RNLS: variants seen among roughly 807,000 people sequenced by gnomAD.
RNLS encodes renalase.
RNLS carries 39 observed loss-of-function variants against 39.8 expected under a neutral mutation model. The ratio of observed to expected loss-of-function variants is 0.98; its 90% CI spans 0.76 to 1.28. RNLS has a LOEUF of 1.28. Ranked by LOEUF, RNLS falls within the 50% of genes most tolerant of loss-of-function variation. The pLI is 0.00. For missense variants in RNLS, 410 were observed against 413.3 expected, an observed-to-expected ratio of 0.99 and a Z score of 0.07; for synonymous variants, 147 against 150.7, an observed-to-expected ratio of 0.98 and a Z score of 0.18.
At chr10:88,335,905 CTAATAG>C (rs1384467411) in intron 5 of RNLS, among the ~76,000 whole-genome samples, 4 of 152,098 alleles carry the variant, frequency 2.6e-5, no homozygotes, top group African/African-American at 9.7e-5. Context: ...TTTTACATTT[CTAATAG>C]TAACTACTTT....
the RNLS span, among the ~76,000 whole-genome samples, chr10:88,174,661 A>G: frequency 6.6e-6 from 1 of 152,128 alleles, no homozygotes; most frequent in African/African-American, 2.4e-5. Flanking sequence ...TTGGTTTGCT[A>G]GTATTTTGTT....
At chr10:88,479,793 CT>C (rs11293313) in intron 4 of RNLS, among the ~76,000 whole-genome samples, 66,378 of 139,158 alleles carry the variant, frequency 0.48, 15,741 homozygotes, top group Middle Eastern at 0.59. Flanking sequence ...TTCTTTTTTT[CT>C]TTTTTTTTTT....
At chr10:88,325,892 C>A (rs1278807944) in intron 5 of RNLS, among the ~76,000 whole-genome samples, 1 of 152,036 alleles carries the variant, frequency 6.6e-6, no homozygotes, top group Non-Finnish European at 1.5e-5. Context: ...TAGTGAGTGA[C>A]TTCTCATGAG....
At chr10:88,242,966 C>T in the RNLS span, among the ~76,000 whole-genome samples, 1 of 151,852 alleles carries the variant, frequency 6.6e-6, no homozygotes, top group Non-Finnish European at 1.5e-5. Flanking sequence ...AACAAACAAA[C>T]AAACAAACAA....
At chr10:88,188,100 A>G in the RNLS span, among the ~76,000 whole-genome samples, 5 of 152,062 alleles carry the variant, frequency 3.3e-5, no homozygotes, top group African/African-American at 4.8e-5. Context: ...CTCTGTCACC[A>G]GGCTGGACTG....
At chr10:88,342,049 C>T (rs914313760) in intron 5 of RNLS, among the ~76,000 whole-genome samples, 7 of 152,166 alleles carry the variant, frequency 4.6e-5, no homozygotes, top group African/African-American at 1.4e-4. Flanking sequence ...TTTACCATTA[C>T]TTTTAATACT....
At chr10:88,314,918 G>A (rs1279600299) in intron 5 of RNLS, among the ~76,000 whole-genome samples, 1 of 152,146 alleles carries the variant, frequency 6.6e-6, no homozygotes, top group Non-Finnish European at 1.5e-5. Context: ...AATATGAACT[G>A]CCTTGGATAT....
At chr10:88,419,776 G>A (rs1349957402) in intron 4 of RNLS, among the ~76,000 whole-genome samples, 2 of 152,068 alleles carry the variant, frequency 1.3e-5, no homozygotes, top group African/African-American at 4.8e-5. Context: ...AGGCCGAGGC[G>A]GGCGGATCAC....
In RNLS at chr10:88,322,490, A is replaced by C. The variant is rs541355693; in HGVS notation, c.701-7849T>G. ...GCTGTTCTCATGACAGTGAGTTCTC[A>C]CAAGATCTGATGGTATTTAAAGTGT... On this transcript the variant is annotated intron_variant, in intron 5 of 6. Transcript: ENST00000331772. Among the ~76,000 whole-genome samples, 94 of 152,274 alleles carry C rather than the reference A, an allele frequency of 6.2e-4. 1 individual carries two copies. Among genetic ancestry groups the C allele is most frequent in the African/African-American group, 2.1e-3 (86 of 41,550 alleles).
intron 4 of RNLS, among the ~76,000 whole-genome samples, chr10:88,552,709 G>C (rs1209284131): frequency 6.6e-6 from 1 of 151,974 alleles, no homozygotes; most frequent in Non-Finnish European, 1.5e-5. Context: ...CTATGATGAG[G>C]ATACATACAC....
At chr10:88,324,880 A>G (rs1846469645) in intron 5 of RNLS, among the ~76,000 whole-genome samples, 1 of 152,210 alleles carries the variant, frequency 6.6e-6, no homozygotes, top group South Asian at 2.1e-4. Context: ...GGCACCTCGT[A>G]TAAATGGAGT....
At chr10:88,271,133 C>T (rs531634560), downstream of RNLS, among the ~76,000 whole-genome samples, 2 of 152,294 alleles carry the variant, frequency 1.3e-5, no homozygotes, top group South Asian at 4.1e-4. Context: ...GGCATTTCTA[C>T]CACAGCTGCA....
rs187045118 is a variant in RNLS, at chr10:88,334,011, G to C, written c.701-19370C>G. ...CTGCTTAGAAACTACCCTGTCTAAG[G>C]TATTTTGTTATAGGAGCACAAACTA... is the stretch of plus-strand genomic sequence containing the variant. On this transcript the variant is annotated intron_variant, in intron 5 of 6. Transcript: ENST00000331772. 2.6e-5 allele frequency among the ~76,000 whole-genome samples: 4 copies of C among 152,246 alleles called. No homozygotes were observed. In the East Asian group the frequency reaches 7.7e-4, roughly 29 times the overall value.
chr10:88,542,429 T>A (rs1848096447), intron 4 of RNLS, among the ~76,000 whole-genome samples: 1 of 152,194 alleles, frequency 6.6e-6, no homozygotes, highest in Admixed American at 6.5e-5. Flanking sequence ...AACGTGTACA[T>A]CTTCTAGATG....
chr10:88,440,111 G>C (rs1402281615), intron 4 of RNLS, among the ~76,000 whole-genome samples: 1 of 152,158 alleles, frequency 6.6e-6, no homozygotes, highest in Non-Finnish European at 1.5e-5. Flanking sequence ...GGATTTATGT[G>C]ATAAATGTTT....
intron 4 of RNLS, among the ~76,000 whole-genome samples, chr10:88,507,481 G>A (rs2765442): frequency 0.46 from 69,449 of 151,848 alleles, 16,556 homozygotes; most frequent in East Asian, 0.54. Context: ...TTGTTCTTGA[G>A]CAACTGTACT....
At chr10:88,321,214 C>T (rs907885498) in intron 5 of RNLS, among the ~76,000 whole-genome samples, 1 of 151,860 alleles carries the variant, frequency 6.6e-6, no homozygotes, top group Non-Finnish European at 1.5e-5. Context: ...TTTGGGTAAA[C>T]AAAAGAATTA....
intron 5 of RNLS, among the ~76,000 whole-genome samples, chr10:88,330,650 GAATCC>G (rs1374977019): frequency 6.6e-6 from 1 of 152,012 alleles, no homozygotes; most frequent in African/African-American, 2.4e-5. Context: ...AAACAGTAGT[GAATCC>G]AATAAACTTG....
At chr10:88,225,650 G>T in the RNLS span, among the ~76,000 whole-genome samples, 1 of 152,038 alleles carries the variant, frequency 6.6e-6, no homozygotes, top group East Asian at 1.9e-4. Flanking sequence ...GGAGTTCAAG[G>T]GTGCAGTGAG....
Sources: gnomAD v4.1 joint callset for allele counts (sites outside exome capture counted in the v4.1 genomes callset) on GRCh38, gnomAD v4.1.1 for gene constraint, MANE v1.5 for transcripts, NCBI Gene and HGNC (gene_info 2026-07-23, HGNC 2026-07-21) for gene names.